Variants in AGFG1 observed in about 807,000 individuals in gnomAD.
AGFG1 encodes the protein ArfGAP with FG repeats 1, also known as arf-GAP domain and FG repeat-containing protein 1.
In AGFG1, 10 loss-of-function variants were observed where a neutral mutation model predicts 60.6. That is an observed-to-expected ratio of 0.16 (90% CI 0.10 to 0.28). The LOEUF is 0.28. Ranked by LOEUF, AGFG1 falls within the 10% of genes least tolerant of loss-of-function variation. The pLI, the probability that AGFG1 is intolerant of heterozygous loss-of-function variation, is 1.00. For missense variants in AGFG1, 537 were observed against 676.5 expected (o/e 0.79, Z 2.29); for synonymous variants, 247 against 242.9 (o/e 1.02, Z -0.16).
In AGFG1 at chr2:227,509,842, G is replaced by A. The variant is rs1053514080; in HGVS notation, c.262-10106G>A. 3.9e-5 allele frequency among the ~76,000 whole-genome samples: 6 copies of A among 152,150 alleles called. No individual in the cohort carries two copies. The East Asian group carries it at 5.8e-4, about 15-fold the overall frequency. On this transcript the variant is annotated intron_variant, in intron 2 of 12. Transcript: ENST00000310078. ...AGCCAAATAGCCAACTACATATTTAGCATTTGAATGCAGAAGAACTTTATA... is the reference window on the plus strand; with the variant it reads ...AGCCAAATAGCCAACTACATATTTAACATTTGAATGCAGAAGAACTTTATA...
At chr2:227,484,959 C>G (rs1036277691) in intron 1 of AGFG1, among the ~76,000 whole-genome samples, 5 of 152,040 alleles carry the variant, frequency 3.3e-5, no homozygotes, top group African/African-American at 1.2e-4. Context: ...ATCTGCCCAC[C>G]TTGGCCTCCT....
intron 10 of AGFG1, among the ~76,000 whole-genome samples, chr2:227,542,830 A>ATT: frequency 6.6e-6 from 1 of 152,160 alleles, no homozygotes; most frequent in South Asian, 2.1e-4. Flanking sequence ...TCAATTTCAG[A>ATT]GCCTGTTATT....
intron 2 of AGFG1, among the ~76,000 whole-genome samples, chr2:227,513,872 A>C (rs1172074593): frequency 6.6e-6 from 1 of 152,190 alleles, no homozygotes; most frequent in African/African-American, 2.4e-5. Context: ...TCTGGCTTTG[A>C]GTATTGCCAG....
At chr2:227,502,628 AT>A (rs1559175948) in intron 2 of AGFG1, among the ~76,000 whole-genome samples, 1 of 151,810 alleles carries the variant, frequency 6.6e-6, no homozygotes, top group African/African-American at 2.4e-5. Context: ...GCCCTCATTT[AT>A]TTTCTTTTTG....
intron 2 of AGFG1, among the ~76,000 whole-genome samples, chr2:227,509,972 C>A (rs1691447732): frequency 6.6e-6 from 1 of 152,086 alleles, no homozygotes; most frequent in Non-Finnish European, 1.5e-5. Flanking sequence ...AAAGGCAGAG[C>A]CCTTGTTCTG....
At chr2:227,529,739 T>A (rs1469468662) in intron 5 of AGFG1, among the ~76,000 whole-genome samples, 2 of 152,114 alleles carry the variant, frequency 1.3e-5, no homozygotes, top group Non-Finnish European at 2.9e-5. Context: ...TACTGTAGGA[T>A]CTAAACCCAA....
chr2:227,538,994 T>C (rs553110128), intron 10 of AGFG1, among the ~76,000 whole-genome samples: 31 of 152,336 alleles, frequency 2.0e-4, no homozygotes, highest in Admixed American at 2.0e-3. Context: ...TATTAGATTA[T>C]TATTGAATTG....
intron 10 of AGFG1, among the ~76,000 whole-genome samples, chr2:227,550,579 A>G (rs1692789760): frequency 6.6e-6 from 1 of 152,080 alleles, no homozygotes; most frequent in African/African-American, 2.4e-5. Context: ...TGTGCTTATT[A>G]TTCTTTAATT....
intron 1 of AGFG1, among the ~76,000 whole-genome samples, chr2:227,477,954 CTG>C (rs1381066103): frequency 6.6e-6 from 1 of 152,026 alleles, no homozygotes; most frequent in African/African-American, 2.4e-5. Context: ...TGTTTTATGG[CTG>C]TGTCATGCTT....
rs191950321 is a variant in AGFG1, at chr2:227,558,598, A to G, written c.*4103A>G. 8.7e-4 allele frequency: 133 copies of G among 152,220 alleles called. 2 individuals are homozygous for G. Among genetic ancestry groups the G allele is most frequent in the Admixed American group, 8.6e-3 (131 of 15,288 alleles). 9.4% of individuals were successfully genotyped at this position (152,220 alleles called of 1,614,324 possible). A position where few individuals can be genotyped will look rare whatever the true frequency, so the allele number is the denominator to read the frequency against. On this transcript the variant is annotated 3_prime_UTR_variant, in exon 13 of 13. Transcript: ENST00000310078. The stretch of plus-strand genomic sequence containing the variant: ...TATTTAACCTGTTGTATTCATCCTC[A>G]TTAGTTAAGTTTTTCTTTTTATGTT...
At position 227,558,327 on chromosome 2, in the gene AGFG1, A is replaced by G. The variant is rs771778408; in HGVS notation, c.*3832A>G. On this transcript the variant is annotated 3_prime_UTR_variant, in exon 13 of 13. Transcript: ENST00000310078. ...ACAAGTTAACGTTCTTGTCTTGTATATCTAAAAAAACTTTAATCACTTGAA... is the reference window on the plus strand; with the variant it reads ...ACAAGTTAACGTTCTTGTCTTGTATGTCTAAAAAAACTTTAATCACTTGAA... 7 of 152,138 alleles carry G rather than the reference A, an allele frequency of 4.6e-5. No homozygotes were observed. Among genetic ancestry groups the G allele is most frequent in the Non-Finnish European group, 8.8e-5 (6 of 68,012 alleles). The allele number at this position is 152,138 out of a possible 1,614,324, so 9.4% of individuals were successfully genotyped here.
intron 9 of AGFG1, 69 bp from the exon 10 acceptor site, chr2:227,536,832 G>C: frequency 1.9e-6 from 3 of 1,542,260 alleles, no homozygotes; most frequent in Non-Finnish European, 2.7e-6. Context: ...GATAAATATA[G>C]TGAAATAATT....
At chr2:227,543,334 C>T (rs2106233988) in intron 10 of AGFG1, among the ~76,000 whole-genome samples, 1 of 152,272 alleles carries the variant, frequency 6.6e-6, no homozygotes, top group African/African-American at 2.4e-5. Context: ...AAATCTGTCC[C>T]AGAGATTCTG....
At chr2:227,540,974 G>T (rs989398878) in intron 10 of AGFG1, among the ~76,000 whole-genome samples, 7 of 152,162 alleles carry the variant, frequency 4.6e-5, no homozygotes, top group African/African-American at 7.2e-5. Flanking sequence ...TCATGTGTCT[G>T]TTGGCTGCAT....
At chr2:227,473,967 A>G (rs985420899) in intron 1 of AGFG1, among the ~76,000 whole-genome samples, 1 of 152,216 alleles carries the variant, frequency 6.6e-6, no homozygotes, top group Non-Finnish European at 1.5e-5. Flanking sequence ...ATGCAAAAGT[A>G]AGAAAAATGT....
At position 227,559,412 on chromosome 2, in the gene AGFG1, A is replaced by G. The variant is rs544573399; in HGVS notation, c.*4917A>G. ...TGTGTAAGTTTGGGCTGACAGTGGT[A>G]TTTTCCAGTGAAGACTATCGCCAAG... is the stretch of plus-strand genomic sequence containing the variant. On this transcript the variant is annotated 3_prime_UTR_variant, in exon 13 of 13. Coordinates refer to ENST00000310078, the MANE Select transcript of AGFG1 (RefSeq NM_004504.5). The G allele has an allele frequency of 1.3e-5, 2 of 152,262 alleles. No individual in the cohort carries two copies. The highest frequency in any genetic ancestry group is 2.1e-4 in the South Asian group (1 of 4,828). The allele number at this position is 152,262 out of a possible 1,614,324, so 9.4% of individuals were successfully genotyped here.
intron 2 of AGFG1, among the ~76,000 whole-genome samples, chr2:227,503,534 C>G (rs1362918500): frequency 1.3e-5 from 2 of 152,178 alleles, no homozygotes; most frequent in African/African-American, 2.4e-5. Context: ...GACATGGAGA[C>G]CAAGCTGGAT....
intron 10 of AGFG1, among the ~76,000 whole-genome samples, chr2:227,548,854 G>A (rs778192517): frequency 6.6e-6 from 1 of 151,998 alleles, no homozygotes; most frequent in Non-Finnish European, 1.5e-5. Context: ...GGAGAATGGC[G>A]TGAACCCGGG....
intron 2 of AGFG1, among the ~76,000 whole-genome samples, chr2:227,513,992 G>A (rs188326003): frequency 3.3e-5 from 5 of 152,276 alleles, no homozygotes; most frequent in African/African-American, 1.2e-4. Context: ...TTTGGAATGA[G>A]TTTCCTGTGA....
Sources: allele counts gnomAD v4.1 joint callset (sites outside exome capture counted in the v4.1 genomes callset), GRCh38; gene constraint gnomAD v4.1.1; transcripts MANE v1.5; gene names NCBI Gene and HGNC (gene_info 2026-07-23, HGNC 2026-07-21).